Variants in JMJD1C observed in about 807,000 individuals in gnomAD.
JMJD1C encodes the protein jumonji domain containing 1C, also known as jumonji domain-containing protein 1C.
In JMJD1C, 31 loss-of-function variants were observed where a neutral mutation model predicts 245.3. That is an observed-to-expected ratio of 0.13 (90% CI 0.09 to 0.17). The LOEUF (loss-of-function observed/expected upper bound fraction) is 0.17, where lower values mean the gene tolerates loss of function less well. JMJD1C is among the 10% of genes least tolerant of loss of function. The pLI, the probability that JMJD1C is intolerant of heterozygous loss-of-function variation, is 1.00. For synonymous variants in JMJD1C, 1,057 were observed against 1,017.4 expected, an observed-to-expected ratio of 1.04 and a Z score of -0.74; for missense variants, 2,691 against 3,000.2, an observed-to-expected ratio of 0.90 and a Z score of 2.41.
chr10:63,287,140 C>T (rs1450484965), intron 2 of JMJD1C, among the ~76,000 whole-genome samples: 2 of 152,298 alleles, frequency 1.3e-5, no homozygotes, highest in East Asian at 1.9e-4. Context: ...ACAAACCCCA[C>T]GCCCACAGGT....
At chr10:63,463,351 G>A (rs1173120139) in intron 1 of JMJD1C, among the ~76,000 whole-genome samples, 2 of 152,126 alleles carry the variant, frequency 1.3e-5, no homozygotes, top group East Asian at 3.9e-4. Context: ...ATTTTTTGTA[G>A]GGACAGGGTT....
chr10:63,199,749 T>C (rs10430460), intron 11 of JMJD1C, among the ~76,000 whole-genome samples: 149,972 of 152,238 alleles, frequency 0.99, 73,904 homozygotes, highest in Middle Eastern at 1. Flanking sequence ...AGAACCTGGT[T>C]CATTCTTATC....
At chr10:63,188,784 T>C (rs1294444584) in intron 18 of JMJD1C, among the ~76,000 whole-genome samples, 2 of 152,174 alleles carry the variant, frequency 1.3e-5, no homozygotes, top group African/African-American at 4.8e-5. Context: ...AACATCTACA[T>C]AGGTTCATGA....
chr10:63,200,039 A>C (rs1845852393), intron 11 of JMJD1C, among the ~76,000 whole-genome samples: 1 of 152,174 alleles, frequency 6.6e-6, no homozygotes, highest in African/African-American at 2.4e-5. Flanking sequence ...TGGAATTCAC[A>C]ACTAGAAATG....
intron 2 of JMJD1C, among the ~76,000 whole-genome samples, chr10:63,355,295 T>C (rs1322724015): frequency 1.3e-5 from 2 of 152,184 alleles, no homozygotes; most frequent in East Asian, 1.9e-4. Flanking sequence ...AGTTACAGTA[T>C]AATTTCAAAA....
At chr10:63,417,390 C>T (rs1949870976) in intron 1 of JMJD1C, among the ~76,000 whole-genome samples, 1 of 152,058 alleles carries the variant, frequency 6.6e-6, no homozygotes, top group South Asian at 2.1e-4. Flanking sequence ...AAATTGCTAC[C>T]AAACTTTTAG....
chr10:63,505,348 A>T (rs9971352), intron 1 of JMJD1C, among the ~76,000 whole-genome samples: 63,107 of 149,964 alleles, frequency 0.42, 14,027 homozygotes, highest in South Asian at 0.53. Context: ...TCCTCGAGTG[A>T]TTTTTAGCAA....
At chr10:63,512,634 A>T (rs1051711771) in intron 1 of JMJD1C, among the ~76,000 whole-genome samples, 8 of 151,774 alleles carry the variant, frequency 5.3e-5, no homozygotes, top group Admixed American at 3.3e-4. Flanking sequence ...TTTACCTTTG[A>T]TTTTCTGAAG....
intron 2 of JMJD1C, among the ~76,000 whole-genome samples, chr10:63,351,007 T>C (rs1004166979): frequency 2.6e-5 from 4 of 152,066 alleles, no homozygotes; most frequent in Admixed American, 2.6e-4. Flanking sequence ...AATATACATC[T>C]ATATATATTA....
chr10:63,259,247 A>G (rs1854382455), intron 3 of JMJD1C, among the ~76,000 whole-genome samples: 1 of 152,216 alleles, frequency 6.6e-6, no homozygotes, highest in African/African-American at 2.4e-5. Flanking sequence ...ACTTATGTCA[A>G]ATATTTAATT....
intron 2 of JMJD1C, among the ~76,000 whole-genome samples, chr10:63,311,744 G>A (rs1228778093): frequency 6.7e-6 from 1 of 150,276 alleles, no homozygotes; most frequent in Non-Finnish European, 1.5e-5. Flanking sequence ...GCAGATGAGA[G>A]TAAGAAACAA....
At chr10:63,330,096 T>G in intron 2 of JMJD1C, among the ~76,000 whole-genome samples, 1 of 151,934 alleles carries the variant, frequency 6.6e-6, no homozygotes, top group Non-Finnish European at 1.5e-5. Flanking sequence ...GAGATGGGGT[T>G]TCACCATGTT....
intron 2 of JMJD1C, among the ~76,000 whole-genome samples, chr10:63,303,292 C>T (rs1011014947): frequency 1.3e-5 from 2 of 152,086 alleles, no homozygotes; most frequent in Non-Finnish European, 2.9e-5. Flanking sequence ...AAAGACTCTG[C>T]TTGTGCCTTT....
intron 1 of JMJD1C, among the ~76,000 whole-genome samples, chr10:63,385,416 C>CTTTTTTTTTTTTTTTT (rs35450282): frequency 1.9e-5 from 1 of 53,760 alleles, no homozygotes; most frequent in Non-Finnish European, 3.1e-5. Context: ...CTGCCCCCGC[C>CTTTTTTTTTTTTTTTT]TTTTTTTTTT....
chr10:63,388,989 C>A (rs1350541939), intron 1 of JMJD1C, among the ~76,000 whole-genome samples: 2 of 151,948 alleles, frequency 1.3e-5, no homozygotes, highest in African/African-American at 4.8e-5. Flanking sequence ...ATATATGCAC[C>A]AAACAGCAGA....
At chr10:63,414,723 C>T (rs1013896861) in intron 1 of JMJD1C, among the ~76,000 whole-genome samples, 1 of 151,806 alleles carries the variant, frequency 6.6e-6, no homozygotes, top group African/African-American at 2.4e-5. Context: ...CTTCATCTTT[C>T]TTTGCTAAAA....
At chr10:63,396,095 ATAAG>A (rs1268802888) in intron 1 of JMJD1C, among the ~76,000 whole-genome samples, 2 of 152,208 alleles carry the variant, frequency 1.3e-5, no homozygotes, top group South Asian at 2.1e-4. Flanking sequence ...AATTAAATGC[ATAAG>A]TAGAGAATTT....
intron 1 of JMJD1C, among the ~76,000 whole-genome samples, chr10:63,476,482 A>G (rs1352630817): frequency 6.6e-6 from 1 of 151,926 alleles, no homozygotes; most frequent in Non-Finnish European, 1.5e-5. Flanking sequence ...TAATCCCCAC[A>G]TTTTGGGAGA....
intron 2 of JMJD1C, among the ~76,000 whole-genome samples, chr10:63,341,376 GACACTGACT>G (rs1197831121): frequency 2.6e-5 from 4 of 152,196 alleles, no homozygotes; most frequent in Admixed American, 6.5e-5. Context: ...GCCCTAGAAA[GACACTGACT>G]ACAGCTGATG....
Sources: gnomAD v4.1 joint callset for allele counts (sites outside exome capture counted in the v4.1 genomes callset) on GRCh38, gnomAD v4.1.1 for gene constraint, MANE v1.5 for transcripts, NCBI Gene and HGNC (gene_info 2026-07-23, HGNC 2026-07-21) for gene names.